Variants in HDGFL2 observed in about 807,000 individuals in gnomAD.
The protein encoded by HDGFL2 is hepatoma-derived growth factor-related protein 2.
In HDGFL2, 36 loss-of-function variants were observed where a neutral mutation model predicts 77.1. The ratio of observed to expected loss-of-function variants is 0.47; its 90% CI spans 0.36 to 0.62. The LOEUF (loss-of-function observed/expected upper bound fraction) is 0.62, where lower values mean the gene tolerates loss of function less well. Among genes scored for constraint, HDGFL2 ranks in the 20% least tolerant of loss-of-function variants. The pLI, the probability that HDGFL2 is intolerant of heterozygous loss-of-function variation, is 0.00. For synonymous variants in HDGFL2, 463 were observed against 413.1 expected (o/e 1.12, Z -1.46); for missense variants, 976 against 973.4 (o/e 1.00, Z -0.04).
intron 3 of HDGFL2, among the ~76,000 whole-genome samples, chr19:4,487,300 A>G (rs10415226): frequency 0.51 from 77,787 of 151,392 alleles, 20,446 homozygotes; most frequent in African/African-American, 0.61. Flanking sequence ...TCTATCACTC[A>G]GTCTGGAGTG....
chr19:4,484,923 G>A (rs1975322222), intron 3 of HDGFL2, among the ~76,000 whole-genome samples: 2 of 151,844 alleles, frequency 1.3e-5, no homozygotes, highest in African/African-American at 4.8e-5. Context: ...TGCCCGCCTC[G>A]GCCTCCCAAA....
intron 10 of HDGFL2, 110 bp downstream of exon 10, chr19:4,496,515 G>A (rs536381966): frequency 2.7e-5 from 22 of 817,198 alleles, no homozygotes; most frequent in African/African-American, 3.4e-5. Flanking sequence ...CCTTGGAGCC[G>A]GACCCGGTTG....
Position 4,493,716 on chromosome 19 carries a change from CCTCCGA to C in HDGFL2, c.703_708del (p.Asp235_Ser236del). On this transcript the variant is annotated inframe_deletion, in exon 7 of 16. Coordinates refer to ENST00000616600, the MANE Select transcript of HDGFL2 (RefSeq NM_001001520.3). ...GCTTCTCCCCAGAAGGCGCCATCAG[CCTCCGA>C]CTCCGACTCCAAGGCCGATTCGGAC... The C allele has an allele frequency of 6.8e-7, 1 of 1,476,354 alleles. No individual in the cohort carries two copies. Among genetic ancestry groups the C allele is most frequent in the Non-Finnish European group, 9.0e-7 (1 of 1,108,080 alleles). 91.5% of individuals were successfully genotyped at this position (1,476,354 alleles called of 1,614,324 possible). A position where few individuals can be genotyped will look rare whatever the true frequency, so the allele number is the denominator to read the frequency against.
chr19:4,495,513 G>A (rs1167009678), intron 9 of HDGFL2, among the ~76,000 whole-genome samples: 4 of 152,064 alleles, frequency 2.6e-5, no homozygotes, highest in African/African-American at 9.7e-5. Context: ...TGCGCCTGGC[G>A]TGCTGGAGGA....
Position 4,493,750 on chromosome 19 carries a change from G to A in HDGFL2, c.726G>A (p.Gly242=), listed in dbSNP as rs1445960700. 5.2e-6 allele frequency: 8 copies of A among 1,538,944 alleles called. No individual in the cohort carries two copies. Among genetic ancestry groups the A allele is most frequent in the Middle Eastern group, 1.7e-4 (1 of 5,960 alleles). The part of the protein sequence containing the change: ...SDSDSKADSD[G]AKPEPVAMAR... ...CCGACTCCAAGGCCGATTCGGACGG[G>A]GCCAAGCCTGAGCCGGTGGCCATGG... Residue 242 remains glycine, a synonymous_variant, in exon 7 of 16, where the codon GGG becomes GGA. Coordinates refer to ENST00000616600, the MANE Select transcript of HDGFL2 (RefSeq NM_001001520.3).
intron 3 of HDGFL2, among the ~76,000 whole-genome samples, chr19:4,478,910 CCT>C (rs1195608863): frequency 6.6e-6 from 1 of 151,446 alleles, no homozygotes; most frequent in African/African-American, 2.4e-5. Flanking sequence ...GTCTCGAACT[CCT>C]GACCTCATGA....
chr19:4,490,807 C>T (rs1975486015), intron 4 of HDGFL2, among the ~76,000 whole-genome samples: 1 of 144,966 alleles, frequency 6.9e-6, no homozygotes. Context: ...TTTTTTTTCT[C>T]TTTTTTTTTT....
intron 3 of HDGFL2, among the ~76,000 whole-genome samples, chr19:4,487,198 C>G (rs1411306849): frequency 2.0e-5 from 3 of 152,082 alleles, no homozygotes; most frequent in Non-Finnish European, 4.4e-5. Context: ...AAACTCCTGA[C>G]CTCGTGTTCC....
intron 3 of HDGFL2, among the ~76,000 whole-genome samples, chr19:4,485,902 C>A (rs1187382191): frequency 6.1e-5 from 1 of 16,386 alleles, no homozygotes. Flanking sequence ...AATACAAAAA[C>A]GTTAGCCAGG....
At position 4,475,528 on chromosome 19, in the gene HDGFL2, A is replaced by T. The variant is rs775538219; in HGVS notation, c.233A>T (p.Asn78Ile). 1 of 1,602,398 alleles carries T rather than the reference A, an allele frequency of 6.2e-7. No individual in the cohort carries two copies. Among genetic ancestry groups the T allele is most frequent in the South Asian group, 1.1e-5 (1 of 89,730 alleles). The part of the protein sequence containing the change: ...YGKPNKRKGF[N>I]EGLWEIQNNP... Reference sequence around the variant, plus strand: ...AAGCCCAACAAGAGGAAAGGCTTCAATGAAGGGCTGTGGGAGATCCAGAAC... The same window carrying T: ...AAGCCCAACAAGAGGAAAGGCTTCATTGAAGGGCTGTGGGAGATCCAGAAC... The change falls in exon 3 of 16, where the codon AAT becomes ATT. Residue 78 changes from asparagine to isoleucine, a missense_variant. Around this residue, in one of 5 missense-constraint regions of HDGFL2, gnomAD observed 103 missense variants for 145.7 expected, o/e 0.71. Transcript: ENST00000616600.
At chr19:4,490,393 T>C (rs1386434567) in intron 4 of HDGFL2, among the ~76,000 whole-genome samples, 3 of 152,296 alleles carry the variant, frequency 2.0e-5, no homozygotes, top group Admixed American at 6.5e-5. Context: ...CTGCCTCCCT[T>C]CCTTTTCCTG....
rs567462112 is a variant in HDGFL2 at position 4,495,924 on chromosome 19, G to A, written c.1225-378G>A. ...ACTGAGTGCCTGGGGCCCACGTGCT[G>A]GTGCCCCTCAGCCAGGCCTGCCTTC... On this transcript the variant is annotated intron_variant, in intron 9 of 15. Transcript: ENST00000616600. 4.6e-5 allele frequency among the ~76,000 whole-genome samples: 7 copies of A among 152,288 alleles called. No individual in the cohort carries two copies. The South Asian group carries it at 1.2e-3, about 27-fold the overall frequency.
chr19:4,485,097 C>T (rs544281625), intron 3 of HDGFL2, among the ~76,000 whole-genome samples: 3 of 152,226 alleles, frequency 2.0e-5, no homozygotes, highest in East Asian at 1.9e-4. Flanking sequence ...TGAGCCACTG[C>T]GCCTGGCCCA....
At chr19:4,493,052 G>GGT (rs1208766162) in intron 6 of HDGFL2, among the ~76,000 whole-genome samples, 1 of 130,244 alleles carries the variant, frequency 7.7e-6, no homozygotes, top group Non-Finnish European at 1.6e-5. Flanking sequence ...GTATCTGTGT[G>GGT]GTGTGTGTGT....
intron 10 of HDGFL2, chr19:4,497,347 G>C: frequency 2.9e-6 from 1 of 339,312 alleles, no homozygotes. Flanking sequence ...ACAGGTGTGT[G>C]CCACCACACC....
At chr19:4,476,188 C>CT (rs1975068288) in intron 3 of HDGFL2, among the ~76,000 whole-genome samples, 2 of 127,944 alleles carry the variant, frequency 1.6e-5, no homozygotes, top group Admixed American at 8.8e-5. Context: ...CTGTGCCCAG[C>CT]CTTTTTTTTT....
rs1324821569 is a variant in HDGFL2 at position 4,498,349 on chromosome 19, C to T, written c.1446C>T (p.Ile482=). ...EEKLQKLHSE[I]KFALKVDSPD... is the part of the protein sequence containing the mutation. ...AGCTGCAGAAGCTGCACAGTGAGAT[C>T]AAGTTTGCCCTAAAGGTCGACAGCC... Residue 482 remains isoleucine (I), a synonymous_variant, in exon 12 of 16, where the codon ATC becomes ATT. Transcript: ENST00000616600. The T allele has an allele frequency of 1.9e-6, 3 of 1,613,808 alleles. 1 individual carries two copies. In the South Asian group the frequency reaches 3.3e-5, roughly 18 times the overall value.
intron 3 of HDGFL2, among the ~76,000 whole-genome samples, chr19:4,487,173 G>A (rs1485301121): frequency 6.6e-6 from 1 of 151,980 alleles, no homozygotes; most frequent in Non-Finnish European, 1.5e-5. Flanking sequence ...TCACCATCTT[G>A]GCCAGGCAGG....
intron 4 of HDGFL2, among the ~76,000 whole-genome samples, chr19:4,489,128 AT>A (rs1254122818): frequency 6.6e-6 from 1 of 150,470 alleles, no homozygotes; most frequent in Non-Finnish European, 1.5e-5. Context: ...TAATTTTTGT[AT>A]TTTTGTTAGA....
Sources: gnomAD v4.1 joint callset for allele counts (sites outside exome capture counted in the v4.1 genomes callset) on GRCh38, gnomAD v4.1.1 for gene constraint, gnomAD v4.1.1 regional missense constraint, MANE v1.5 for transcripts, NCBI Gene and HGNC (gene_info 2026-07-23, HGNC 2026-07-21) for gene names.